Variants in GRAMD1B observed in about 807,000 individuals in gnomAD.
GRAMD1B encodes protein Aster-B.
Under a neutral mutation model 99.7 loss-of-function variants are expected in GRAMD1B, and 37 were observed. That is an observed-to-expected ratio of 0.37 (90% CI 0.29 to 0.49). The LOEUF (loss-of-function observed/expected upper bound fraction) is 0.49, where lower values mean the gene tolerates loss of function less well. GRAMD1B is among the 20% of genes least tolerant of loss of function. The probability of loss-of-function intolerance (pLI) is 0.98; values close to 1 mark genes in which losing one functional copy is unlikely to be tolerated. For missense variants in GRAMD1B, 888 were observed against 1,009.2 expected, an observed-to-expected ratio of 0.88 and a Z score of 1.63; for synonymous variants, 427 against 387.6, an observed-to-expected ratio of 1.10 and a Z score of -1.19.
chr11:123,515,005 C>T (rs1294012632), intron 2 of GRAMD1B, among the ~76,000 whole-genome samples: 1 of 152,138 alleles, frequency 6.6e-6, no homozygotes, highest in Non-Finnish European at 1.5e-5. Context: ...AGGGTAACTG[C>T]AACTGCAAAC....
At chr11:123,567,731 T>C (rs1363967618) in intron 2 of GRAMD1B, among the ~76,000 whole-genome samples, 1 of 152,126 alleles carries the variant, frequency 6.6e-6, no homozygotes, top group African/African-American at 2.4e-5. Context: ...GGGAGTGGGA[T>C]GGATGGAGAC....
At chr11:123,376,373 T>C (rs990848930) in intron 1 of GRAMD1B, among the ~76,000 whole-genome samples, 2 of 152,248 alleles carry the variant, frequency 1.3e-5, no homozygotes, top group Non-Finnish European at 2.9e-5. Context: ...GTTGAGTAAA[T>C]GAACATTGAT....
intron 2 of GRAMD1B, among the ~76,000 whole-genome samples, chr11:123,567,135 T>A (rs1592041974): frequency 6.6e-6 from 1 of 151,856 alleles, no homozygotes; most frequent in East Asian, 2.0e-4. Flanking sequence ...AGAGTAAGAG[T>A]TCCAGGCGGT....
At chr11:123,528,606 GT>G (rs1163590594) in intron 2 of GRAMD1B, among the ~76,000 whole-genome samples, 8 of 152,204 alleles carry the variant, frequency 5.3e-5, no homozygotes, top group African/African-American at 1.9e-4. Context: ...AGCAGGGTAA[GT>G]TTCCCCAGTG....
intron 2 of GRAMD1B, among the ~76,000 whole-genome samples, chr11:123,508,590 A>G (rs1940663268): frequency 6.6e-6 from 1 of 152,206 alleles, no homozygotes; most frequent in Non-Finnish European, 1.5e-5. Context: ...TTTTTTGGGA[A>G]ACTCTTTCCT....
At chr11:123,576,782 T>G (rs1465442760) in intron 2 of GRAMD1B, among the ~76,000 whole-genome samples, 2 of 152,216 alleles carry the variant, frequency 1.3e-5, no homozygotes, top group East Asian at 3.8e-4. Flanking sequence ...CTCTCAACAG[T>G]GGGCATTTAG....
At chr11:123,452,666 A>G (rs1949941492) in intron 1 of GRAMD1B, among the ~76,000 whole-genome samples, 1 of 152,064 alleles carries the variant, frequency 6.6e-6, no homozygotes, top group Admixed American at 6.6e-5. Context: ...GACCTTCCTT[A>G]ATAAGTGGAG....
At chr11:123,609,757 C>T (rs1268328501) in intron 12 of GRAMD1B, 38 bp from the exon 13 acceptor site, 2 of 1,178,094 alleles carry the variant, frequency 1.7e-6, no homozygotes, top group African/African-American at 3.0e-5. Flanking sequence ...AGGGCTCTGC[C>T]CTCCCTTCCT....
At chr11:123,516,943 G>A (rs907529068) in intron 2 of GRAMD1B, among the ~76,000 whole-genome samples, 6 of 152,072 alleles carry the variant, frequency 3.9e-5, no homozygotes, top group Non-Finnish European at 7.4e-5. Flanking sequence ...TTTTTGAGAC[G>A]GGGTCTTGCT....
rs1249524408 is a variant in GRAMD1B, at chr11:123,492,982, T to C, written c.452+12089T>C. Among the ~76,000 whole-genome samples the C allele has an allele frequency of 2.0e-5, 3 of 152,168 alleles. No individual in the cohort carries two copies. In the East Asian group the frequency reaches 5.8e-4, roughly 29 times the overall value. On this transcript the variant is annotated intron_variant, in intron 2 of 19. Transcript: ENST00000635736. The surrounding 1 kb of genome is among the most constrained non-coding windows in gnomAD (Gnocchi z 4.2). ...AGTTTTGGGGCTGGTGAGCAAAGAC[T>C]GTGTCCCTCTCTGATTAGATGACTT...
intron 3 of GRAMD1B, among the ~76,000 whole-genome samples, chr11:123,578,602 T>C (rs1190452435): frequency 1.3e-5 from 2 of 152,086 alleles, no homozygotes; most frequent in Non-Finnish European, 2.9e-5. Flanking sequence ...TGGAAGTCAT[T>C]GAAGGCCCAT....
chr11:123,558,517 G>A (rs1318446215), intron 2 of GRAMD1B, among the ~76,000 whole-genome samples: 1 of 152,184 alleles, frequency 6.6e-6, no homozygotes, highest in East Asian at 1.9e-4. Context: ...TACAAAGGAG[G>A]AAATATGTAG....
At chr11:123,569,539 G>A (rs1947821756) in intron 2 of GRAMD1B, among the ~76,000 whole-genome samples, 1 of 152,190 alleles carries the variant, frequency 6.6e-6, no homozygotes, top group Admixed American at 6.5e-5. Flanking sequence ...ATTTGGAACT[G>A]GTTTAGTGGG....
chr11:123,521,743 T>G (rs916017881), intron 2 of GRAMD1B, among the ~76,000 whole-genome samples: 2 of 152,230 alleles, frequency 1.3e-5, no homozygotes, highest in Non-Finnish European at 2.9e-5. Flanking sequence ...TCTTTCAAGT[T>G]TATCCTTACA....
intron 2 of GRAMD1B, among the ~76,000 whole-genome samples, chr11:123,541,696 C>G (rs1004698692): frequency 6.6e-6 from 1 of 152,030 alleles, no homozygotes; most frequent in Non-Finnish European, 1.5e-5. Context: ...GATTTTTAGC[C>G]TATATAAGTT....
chr11:123,484,519 T>A (rs995328293), intron 2 of GRAMD1B, among the ~76,000 whole-genome samples: 2 of 152,196 alleles, frequency 1.3e-5, no homozygotes, highest in Admixed American at 1.3e-4. Flanking sequence ...TCCCGGGTCC[T>A]TTGTTCCCAT....
At chr11:123,486,181 C>T (rs528488327) in intron 2 of GRAMD1B, among the ~76,000 whole-genome samples, 1 of 152,308 alleles carries the variant, frequency 6.6e-6, no homozygotes, top group East Asian at 1.9e-4. Context: ...TAGCTGCTTG[C>T]ACTCTGATTC....
chr11:123,498,464 T>A (rs989747986), intron 2 of GRAMD1B, among the ~76,000 whole-genome samples: 2 of 152,238 alleles, frequency 1.3e-5, no homozygotes, highest in Non-Finnish European at 2.9e-5. Context: ...TCCTGCCCTC[T>A]TCAATGTCTC....
intron 1 of GRAMD1B, among the ~76,000 whole-genome samples, chr11:123,407,865 G>A (rs1430803831): frequency 6.6e-6 from 1 of 152,298 alleles, no homozygotes; most frequent in African/African-American, 2.4e-5. Flanking sequence ...CAGCTCCCCA[G>A]GGGCTCACAG....
Sources: gnomAD v4.1 joint callset for allele counts (sites outside exome capture counted in the v4.1 genomes callset) on GRCh38, gnomAD v4.1.1 for gene constraint, Gnocchi (gnomAD v3.1) non-coding constraint, MANE v1.5 for transcripts, NCBI Gene and HGNC (gene_info 2026-07-23, HGNC 2026-07-21) for gene names.